PLD5: variants seen among roughly 807,000 people sequenced by gnomAD.
PLD5 encodes inactive phospholipase D5.
In PLD5, 36 loss-of-function variants were observed where a neutral mutation model predicts 61.1. The ratio of observed to expected loss-of-function variants is 0.59; its 90% CI spans 0.45 to 0.78. The LOEUF (loss-of-function observed/expected upper bound fraction) is 0.78. Ranked by LOEUF, PLD5 falls within the 30% of genes least tolerant of loss-of-function variation. The pLI is 0.00. For missense variants in PLD5, 515 were observed against 644.4 expected, an observed-to-expected ratio of 0.80 and a Z score of 2.17; for synonymous variants, 243 against 242.8, an observed-to-expected ratio of 1.00 and a Z score of -0.01.
chr1:242,459,676 T>A (rs894652472), intron 1 of PLD5, among the ~76,000 whole-genome samples: 4 of 152,192 alleles, frequency 2.6e-5, no homozygotes, highest in African/African-American at 7.2e-5. Context: ...CAATTCCAGG[T>A]TGGACTGCCA....
chr1:242,250,929 A>G (rs1344024796), intron 4 of PLD5, among the ~76,000 whole-genome samples: 1 of 152,208 alleles, frequency 6.6e-6, no homozygotes, highest in East Asian at 1.9e-4. Context: ...GCACATGTAG[A>G]AGTGCAGACT....
chr1:242,178,243 A>G (rs1399595902), intron 5 of PLD5: 1 of 152,020 alleles, frequency 6.6e-6, no homozygotes, highest in Non-Finnish European at 1.5e-5. Flanking sequence ...ACCTTTAGCT[A>G]TTCCATCTTT....
intron 5 of PLD5, among the ~76,000 whole-genome samples, chr1:242,198,221 G>A (rs1412754893): frequency 6.6e-6 from 1 of 152,190 alleles, no homozygotes; most frequent in Non-Finnish European, 1.5e-5. Context: ...GGCAGATAAA[G>A]ATTATAAGTG....
intron 9 of PLD5, among the ~76,000 whole-genome samples, chr1:242,097,167 G>A (rs1660315736): frequency 6.6e-6 from 1 of 152,110 alleles, no homozygotes; most frequent in Admixed American, 6.5e-5. Context: ...CATTTGGGTT[G>A]GTTCCAAGTC....
chr1:242,377,047 C>T (rs1213315172), intron 1 of PLD5: 21 of 1,611,602 alleles, frequency 1.3e-5, no homozygotes, highest in Admixed American at 1.7e-5. Context: ...CTGTCTGACA[C>T]GGTGCCATCA....
intron 1 of PLD5, among the ~76,000 whole-genome samples, chr1:242,353,154 G>A (rs1344725089): frequency 2.6e-5 from 4 of 152,078 alleles, no homozygotes; most frequent in South Asian, 2.1e-4. Flanking sequence ...GTAGTTTCAC[G>A]CTTTCAGGTT....
At chr1:242,497,882 T>C (rs997183537) in intron 1 of PLD5, among the ~76,000 whole-genome samples, 7 of 152,252 alleles carry the variant, frequency 4.6e-5, no homozygotes, top group African/African-American at 1.4e-4. Context: ...GGCTTTGCCA[T>C]AGATGGCAAA....
chr1:242,486,727 T>C (rs1388692595), intron 1 of PLD5, among the ~76,000 whole-genome samples: 1 of 152,126 alleles, frequency 6.6e-6, no homozygotes, highest in African/African-American at 2.4e-5. Context: ...ACCCAAAGGA[T>C]TACAAATCAT....
At chr1:242,394,360 GTATATATGAGTATATATGTGTGTA>G (rs1663242835) in intron 1 of PLD5, among the ~76,000 whole-genome samples, 1 of 66,742 alleles carries the variant, frequency 1.5e-5, no homozygotes, top group Non-Finnish European at 3.1e-5. Flanking sequence ...ATATATGTGT[GTATATATGAGTATATATGTGTGTA>G]TATATGAGTA....
At chr1:242,346,013 TC>T (rs71176750) in intron 2 of PLD5, among the ~76,000 whole-genome samples, 16,005 of 101,494 alleles carry the variant, frequency 0.16, 1,360 homozygotes, top group Middle Eastern at 0.18. Context: ...AGAAAAGATC[TC>T]CCCCCCCCCC....
chr1:242,481,629 G>T (rs867760843), intron 1 of PLD5, among the ~76,000 whole-genome samples: 1 of 152,196 alleles, frequency 6.6e-6, no homozygotes, highest in Non-Finnish European at 1.5e-5. Context: ...CTGCACCTCT[G>T]GGGGCAGGGC....
chr1:242,114,021 A>G lies in PLD5; in HGVS notation c.939T>C (p.Ser313=), dbSNP rs1424138454. ...TGTTTTTAGGGCAAAAGAGTTTTGGAGAATTCTGTGAAGACACAAAAGCCA... is the reference window on the plus strand; with the variant it reads ...TGTTTTTAGGGCAAAAGAGTTTTGGGGAATTCTGTGAAGACACAAAAGCCA... The part of the protein sequence containing the change: ...ETKSQAFVSN[S]PKLFCPKNRS... Residue 313 remains serine, a synonymous_variant, in exon 7 of 10, where the codon TCT becomes TCC. Transcript: ENST00000536534. 6.2e-7 allele frequency: 1 copy of G among 1,612,828 alleles called. No individual in the cohort carries two copies. Among genetic ancestry groups the G allele is most frequent in the Non-Finnish European group, 8.5e-7 (1 of 1,179,580 alleles).
intron 1 of PLD5, among the ~76,000 whole-genome samples, chr1:242,444,498 C>T (rs6674594): frequency 0.045 from 6,886 of 151,392 alleles, 458 homozygotes; most frequent in African/African-American, 0.14. Flanking sequence ...AATTTGTCCT[C>T]ACTCATTACC....
intron 4 of PLD5, among the ~76,000 whole-genome samples, chr1:242,230,449 T>C (rs1308580679): frequency 6.6e-6 from 1 of 152,186 alleles, no homozygotes; most frequent in Non-Finnish European, 1.5e-5. Flanking sequence ...AAATTTATCT[T>C]ATCCATCAAT....
intron 2 of PLD5, among the ~76,000 whole-genome samples, chr1:242,288,864 C>A (rs1456066007): frequency 6.6e-6 from 1 of 152,098 alleles, no homozygotes; most frequent in Non-Finnish European, 1.5e-5. Flanking sequence ...TAATATATTC[C>A]TTTATTTTTC....
chr1:242,313,370 G>A (rs1676819107), intron 2 of PLD5, among the ~76,000 whole-genome samples: 1 of 152,158 alleles, frequency 6.6e-6, no homozygotes, highest in African/African-American at 2.4e-5. Flanking sequence ...TAACATATGA[G>A]ATAGATCTTT....
At chr1:242,255,057 G>T (rs316919) in intron 4 of PLD5, among the ~76,000 whole-genome samples, 100,712 of 151,790 alleles carry the variant, frequency 0.66, 34,440 homozygotes, top group Non-Finnish European at 0.75. Context: ...AAAGCATGCC[G>T]GGGTGACCGT....
intron 1 of PLD5, among the ~76,000 whole-genome samples, chr1:242,458,215 C>T (rs1345829083): frequency 2.0e-5 from 3 of 152,188 alleles, no homozygotes; most frequent in Non-Finnish European, 2.9e-5. Context: ...GTCCTCTCAA[C>T]TTGTCTTCAA....
At chr1:242,283,206 T>C (rs1159297329) in intron 3 of PLD5, among the ~76,000 whole-genome samples, 3 of 151,894 alleles carry the variant, frequency 2.0e-5, no homozygotes, top group Non-Finnish European at 4.4e-5. Flanking sequence ...TTGCTACTCT[T>C]CCAGAGACCA....
Sources: gnomAD v4.1 joint callset for allele counts (sites outside exome capture counted in the v4.1 genomes callset) on GRCh38, gnomAD v4.1.1 for gene constraint, MANE v1.5 for transcripts, NCBI Gene and HGNC (gene_info 2026-07-23, HGNC 2026-07-21) for gene names.